CCDC178: variants seen among roughly 807,000 people sequenced by gnomAD.
The protein encoded by CCDC178 is coiled-coil domain containing 178, also known as coiled-coil domain-containing protein 178.
A neutral mutation model predicts 117.4 loss-of-function variants in CCDC178; 126 were observed. The ratio of observed to expected loss-of-function variants is 1.07; its 90% CI spans 0.93 to 1.24. The LOEUF (loss-of-function observed/expected upper bound fraction) is 1.24, where lower values mean the gene tolerates loss of function less well. Ranked by LOEUF, CCDC178 falls within the 50% of genes most tolerant of loss-of-function variation. CCDC178 has a pLI of 0.00. For synonymous variants in CCDC178, 283 were observed against 313.4 expected (o/e 0.90, Z 1.02); for missense variants, 1,030 against 986.9 (o/e 1.04, Z -0.59).
intron 5 of CCDC178, among the ~76,000 whole-genome samples, chr18:33,386,045 C>CA (rs112411211): frequency 0.016 from 2,372 of 152,250 alleles, 59 homozygotes; most frequent in African/African-American, 0.053. Context: ...GAAATACAAA[C>CA]AACCATCAGA....
chr18:33,269,475 A>C (rs1367011087), intron 12 of CCDC178, among the ~76,000 whole-genome samples: 1 of 151,882 alleles, frequency 6.6e-6, no homozygotes, highest in Non-Finnish European at 1.5e-5. Flanking sequence ...CTATGAAAGC[A>C]GGAAACAACA....
intron 20 of CCDC178, among the ~76,000 whole-genome samples, chr18:33,155,068 A>C (rs1407156427): frequency 2.6e-5 from 4 of 152,154 alleles, no homozygotes; most frequent in Admixed American, 2.0e-4. Context: ...CAGAATATAC[A>C]TCCTTTTCAA....
chr18:33,242,067 C>T (rs554575031), intron 15 of CCDC178, among the ~76,000 whole-genome samples: 7 of 151,732 alleles, frequency 4.6e-5, no homozygotes, highest in Non-Finnish European at 1.0e-4. Flanking sequence ...TAAAAACAGT[C>T]ACATAGACCA....
intron 21 of CCDC178, among the ~76,000 whole-genome samples, chr18:33,042,623 G>A (rs1342979422): frequency 6.6e-6 from 1 of 151,904 alleles, no homozygotes; most frequent in Non-Finnish European, 1.5e-5. Flanking sequence ...TATGGACTGG[G>A]TATTAGGAAA....
chr18:33,240,739 G>A (rs2059477537), intron 15 of CCDC178, among the ~76,000 whole-genome samples: 1 of 151,776 alleles, frequency 6.6e-6, no homozygotes, highest in South Asian at 2.1e-4. Context: ...AAAAATTCAG[G>A]ACTAGATGTC....
At chr18:33,011,490 G>GC (rs1892198961) in intron 21 of CCDC178, among the ~76,000 whole-genome samples, 1 of 151,994 alleles carries the variant, frequency 6.6e-6, no homozygotes, top group Admixed American at 6.6e-5. Flanking sequence ...GCGGAAGCCT[G>GC]CAGGATTCCA....
At chr18:33,307,466 T>C (rs763705204) in intron 11 of CCDC178, among the ~76,000 whole-genome samples, 13 of 152,206 alleles carry the variant, frequency 8.5e-5, no homozygotes, top group Non-Finnish European at 1.3e-4. Flanking sequence ...AAGAAATGTC[T>C]AAGTGGCAAA....
intron 15 of CCDC178, among the ~76,000 whole-genome samples, chr18:33,229,818 TGA>T (rs1205090038): frequency 6.6e-6 from 1 of 152,182 alleles, no homozygotes; most frequent in Admixed American, 6.6e-5. Flanking sequence ...ACTGAAGAAC[TGA>T]GACTTTGGGT....
chr18:33,170,873 A>G (rs967335633), intron 20 of CCDC178, among the ~76,000 whole-genome samples: 2 of 151,990 alleles, frequency 1.3e-5, no homozygotes, highest in Admixed American at 6.6e-5. Context: ...GGCCATTCTT[A>G]TAACAACTTT....
chr18:33,310,784 T>G (rs1180378916), intron 11 of CCDC178, among the ~76,000 whole-genome samples: 2 of 152,196 alleles, frequency 1.3e-5, no homozygotes, highest in Admixed American at 6.5e-5. Flanking sequence ...TTACAAGACA[T>G]TTTTATTTTT....
intron 22 of CCDC178, among the ~76,000 whole-genome samples, chr18:32,970,427 A>G (rs1247686018): frequency 6.6e-6 from 1 of 151,982 alleles, no homozygotes; most frequent in Non-Finnish European, 1.5e-5. Context: ...TGAATAGTTC[A>G]CCGAAATCTT....
chr18:33,389,629 C>A lies in CCDC178; in HGVS notation c.119G>T (p.Gly40Val). Residue 40 changes from glycine to valine, a missense_variant and splice_region_variant, in exon 5 of 23, where the codon GGC becomes GTC. Transcript: ENST00000383096. ...REKAWSRTNE[G>V]NAMSQSLVLY... ...AACCAAACTTTGAGACATGGCATTG[C>A]CTTTTAAAAAGAAAAAATACATATT... 3 of 1,462,362 alleles carry A rather than the reference C, an allele frequency of 2.1e-6. No homozygotes were observed. Among genetic ancestry groups the A allele is most frequent in the Non-Finnish European group, 2.7e-6 (3 of 1,100,334 alleles). The allele number at this position is 1,462,362 out of a possible 1,614,324, so 90.6% of individuals were successfully genotyped here.
chr18:33,250,490 A>G (rs989787575), intron 14 of CCDC178, among the ~76,000 whole-genome samples: 1 of 151,738 alleles, frequency 6.6e-6, no homozygotes, highest in Non-Finnish European at 1.5e-5. Flanking sequence ...ACATTAGTGC[A>G]GCAACAGTAA....
intron 12 of CCDC178, among the ~76,000 whole-genome samples, chr18:33,274,155 C>G (rs1307575171): frequency 6.6e-6 from 1 of 151,576 alleles, no homozygotes; most frequent in Non-Finnish European, 1.5e-5. Flanking sequence ...TTATTAGAGA[C>G]TATGGAAATG....
rs140786321 is a variant in CCDC178, at chr18:33,372,209, G to A, written c.209-2020C>T. Among the ~76,000 whole-genome samples, 669 of 152,158 alleles carry A rather than the reference G, an allele frequency of 4.4e-3. 2 individuals carry two copies. Among genetic ancestry groups the A allele is most frequent in the African/African-American group, 0.015 (636 of 41,540 alleles). On this transcript the variant is annotated intron_variant, in intron 5 of 22. Transcript: ENST00000383096. Reference sequence around the variant, plus strand: ...ATGACATCCTAAGTAGCACAAGATTGAACCAAAATTCAGTGGTTCATGTTA... The same window carrying A: ...ATGACATCCTAAGTAGCACAAGATTAAACCAAAATTCAGTGGTTCATGTTA...
intron 5 of CCDC178, among the ~76,000 whole-genome samples, chr18:33,384,225 A>T (rs1329435214): frequency 6.6e-6 from 1 of 152,194 alleles, no homozygotes; most frequent in African/African-American, 2.4e-5. Context: ...AAAGAGACCA[A>T]ATCTATGACT....
chr18:33,309,483 C>G (rs1007548553), intron 11 of CCDC178, among the ~76,000 whole-genome samples: 5 of 152,028 alleles, frequency 3.3e-5, no homozygotes, highest in Non-Finnish European at 5.9e-5. Flanking sequence ...AATTCAAAAT[C>G]TTAAAATTAT....
chr18:32,945,121 T>C (rs2054317416), intron 22 of CCDC178, among the ~76,000 whole-genome samples: 1 of 152,168 alleles, frequency 6.6e-6, no homozygotes, highest in Non-Finnish European at 1.5e-5. Context: ...AAATCAGAGA[T>C]TTGTCAATGC....
chr18:33,262,460 T>A (rs530809584), intron 14 of CCDC178, among the ~76,000 whole-genome samples: 22 of 152,264 alleles, frequency 1.4e-4, no homozygotes, highest in African/African-American at 4.6e-4. Flanking sequence ...CTCATCCAAA[T>A]ACCACTAAAA....
Sources: gnomAD v4.1 joint callset for allele counts (sites outside exome capture counted in the v4.1 genomes callset) on GRCh38, gnomAD v4.1.1 for gene constraint, MANE v1.5 for transcripts, NCBI Gene and HGNC (gene_info 2026-07-23, HGNC 2026-07-21) for gene names.